The following PCDHGA9 variants were observed in gnomAD, a reference collection of about 807,000 sequenced individuals.
PCDHGA9 encodes protocadherin gamma subfamily A, 9.
PCDHGA9 carries 37 observed loss-of-function variants against 62.5 expected under a neutral mutation model. The ratio of observed to expected loss-of-function variants is 0.59; its 90% CI spans 0.46 to 0.78. PCDHGA9 has a LOEUF of 0.78. Ranked by LOEUF, PCDHGA9 falls within the 30% of genes least tolerant of loss-of-function variation. The pLI, the probability that PCDHGA9 is intolerant of heterozygous loss-of-function variation, is 0.00. For synonymous variants in PCDHGA9, 459 were observed against 484.6 expected, an observed-to-expected ratio of 0.95 and a Z score of 0.69; for missense variants, 1,138 against 1,166.2, an observed-to-expected ratio of 0.98 and a Z score of 0.35.
chr5:141,452,748 A>G (rs2098748275), intron 1 of PCDHGA9, among the ~76,000 whole-genome samples: 1 of 152,058 alleles, frequency 6.6e-6, no homozygotes, highest in Admixed American at 6.6e-5. Flanking sequence ...GAGAGAAGGA[A>G]GAAGGAAGGG....
At chr5:141,510,134 C>T (rs1273076437) in intron 3 of PCDHGA9, among the ~76,000 whole-genome samples, 1 of 152,064 alleles carries the variant, frequency 6.6e-6, no homozygotes, top group East Asian at 1.9e-4. Context: ...ATTAGCTGGG[C>T]TAGTGGTGTG....
chr5:141,480,102 T>C (rs568342271), intron 1 of PCDHGA9, among the ~76,000 whole-genome samples: 1 of 152,320 alleles, frequency 6.6e-6, no homozygotes, highest in South Asian at 2.1e-4. Flanking sequence ...GCAAAGTGTT[T>C]AGCATGGTGC....
In PCDHGA9 at chr5:141,493,548, G is replaced by A. The variant is rs1243278355; in HGVS notation, c.2425-1259G>A. 3.9e-5 allele frequency among the ~76,000 whole-genome samples: 6 copies of A among 152,196 alleles called. No homozygotes were observed. ...AAACTTGGCCAGTTATCCTTTTGGA[G>A]ATTGAGTTCCCCCAGCTCCGTTTCC... On this transcript the variant is annotated intron_variant, in intron 1 of 3. Coordinates refer to ENST00000573521, the MANE Select transcript of PCDHGA9 (RefSeq NM_018921.3). This position sits in a 1 kb window ranked among gnomAD's most constrained non-coding sequence, Gnocchi z 4.3.
At chr5:141,449,500 A>G (rs1034917703) in intron 1 of PCDHGA9, among the ~76,000 whole-genome samples, 6 of 151,300 alleles carry the variant, frequency 4.0e-5, no homozygotes, top group African/African-American at 1.5e-4. Flanking sequence ...GAGGCATGAG[A>G]AATGCTTGAA....
Position 141,403,740 on chromosome 5 carries a change from C to T in PCDHGA9, c.788C>T (p.Thr263Ile). The change falls in exon 1 of 4, where the codon ACT becomes ATT. Residue 263 changes from threonine to isoleucine, a missense_variant. Physicochemically the swap from Thr to Ile is moderately conservative, Grantham distance 89 (BLOSUM62 -1). Transcript: ENST00000573521. The part of the protein sequence containing the change: ...ENVPPGTWLL[T>I]ATASDLDEGI... The stretch of plus-strand genomic sequence containing the variant: ...GTGCCCCCAGGCACCTGGCTGCTTA[C>T]TGCAACAGCCAGCGACCTGGATGAG... The T allele has an allele frequency of 6.2e-7, 1 of 1,613,920 alleles. No homozygotes were observed. The highest frequency in any genetic ancestry group is 8.5e-7 in the Non-Finnish European group (1 of 1,179,890).
intron 2 of PCDHGA9, 164 bp downstream of exon 2, chr5:141,495,029 G>A: frequency 2.1e-6 from 2 of 968,864 alleles, no homozygotes; most frequent in Non-Finnish European, 2.5e-6. Flanking sequence ...ACAGACCCCG[G>A]AAGGAAGAGG....
Position 141,432,010 on chromosome 5 carries a change from CT to C in PCDHGA9, c.2424+26635del. The C allele has an allele frequency of 6.2e-7, 1 of 1,614,068 alleles. No individual in the cohort carries two copies. Among genetic ancestry groups the C allele is most frequent in the Non-Finnish European group, 8.5e-7 (1 of 1,180,022 alleles). ...TCTTGGATAGGGAACAGGTTCCTAG[CT>C]ACAACATCACAGTGACCGCCACTGA... On this transcript the variant is annotated intron_variant, in intron 1 of 3. Coordinates refer to ENST00000573521, the MANE Select transcript of PCDHGA9 (RefSeq NM_018921.3). This position sits in a 1 kb window ranked among gnomAD's most constrained non-coding sequence, Gnocchi z 6.0.
intron 1 of PCDHGA9, among the ~76,000 whole-genome samples, chr5:141,406,762 A>C (rs942707558): frequency 2.0e-5 from 3 of 152,238 alleles, no homozygotes; most frequent in Non-Finnish European, 4.4e-5. Context: ...CAAGGAATTA[A>C]AAATATTTCT....
chr5:141,481,475 C>T (rs1423011632), intron 1 of PCDHGA9, among the ~76,000 whole-genome samples: 1 of 152,200 alleles, frequency 6.6e-6, no homozygotes, highest in Non-Finnish European at 1.5e-5. Context: ...TTGGATTATA[C>T]ACTTTAAATA....
chr5:141,409,753 G>T, intron 1 of PCDHGA9: 1 of 1,613,006 alleles, frequency 6.2e-7, no homozygotes. Context: ...TGTTCGCGCA[G>T]CGCGCCTTTG....
intron 1 of PCDHGA9, chr5:141,414,350 C>G (rs1450829111): frequency 6.2e-7 from 1 of 1,613,726 alleles, no homozygotes; most frequent in East Asian, 2.2e-5. Context: ...TCCATTTTGG[C>G]GTATCTACCA....
In PCDHGA9 at chr5:141,432,510, C is replaced by A; in HGVS notation, c.2424+27134C>A. 1 of 1,614,140 alleles carries A rather than the reference C, an allele frequency of 6.2e-7. No homozygotes were observed. The highest frequency in any genetic ancestry group is 8.5e-7 in the Non-Finnish European group (1 of 1,180,042). On this transcript the variant is annotated intron_variant, in intron 1 of 3. Coordinates refer to ENST00000573521, the MANE Select transcript of PCDHGA9 (RefSeq NM_018921.3). The surrounding 1 kb of genome is among the most constrained non-coding windows in gnomAD (Gnocchi z 6.0). ...GAGCTGGCTCCCCGCTCCGCAGAGCCCGGCTACCTGGTGACCAAGGTGGTG... is the reference window on the plus strand; with the variant it reads ...GAGCTGGCTCCCCGCTCCGCAGAGCACGGCTACCTGGTGACCAAGGTGGTG...
At chr5:141,425,069 A>G (rs771114613) in intron 1 of PCDHGA9, among the ~76,000 whole-genome samples, 1 of 152,170 alleles carries the variant, frequency 6.6e-6, no homozygotes. Context: ...GACAAAAATA[A>G]TTTCAACTGT....
intron 1 of PCDHGA9, chr5:141,421,999 TC>T: frequency 9.9e-6 from 16 of 1,609,214 alleles, no homozygotes; most frequent in Non-Finnish European, 1.4e-5. Context: ...AAACATCAGC[TC>T]CGGAACTCGG....
At chr5:141,424,936 C>G (rs1160449329) in intron 1 of PCDHGA9, among the ~76,000 whole-genome samples, 1 of 152,182 alleles carries the variant, frequency 6.6e-6, no homozygotes, top group Non-Finnish European at 1.5e-5. Flanking sequence ...AGTCAACACT[C>G]TCACATCACT....
Position 141,425,635 on chromosome 5 carries a change from T to C in PCDHGA9, c.2424+20259T>C, listed in dbSNP as rs376675545. On this transcript the variant is annotated intron_variant, in intron 1 of 3. Coordinates refer to ENST00000573521, the MANE Select transcript of PCDHGA9 (RefSeq NM_018921.3). ...TCAGTGCTCCTCCAGTTTTCTCTGA[T>C]AAAACTAGGAGGAAAATTATCTGCA... Among the ~76,000 whole-genome samples, 51 of 152,354 alleles carry C rather than the reference T, an allele frequency of 3.3e-4. 1 individual carries two copies. The South Asian group carries it at 0.01, about 30-fold the overall frequency.
At chr5:141,408,226 GCGCCGGGCCGGCC>G (rs2095062452) in intron 1 of PCDHGA9, 1 of 1,562,288 alleles carries the variant, frequency 6.4e-7, no homozygotes, top group South Asian at 1.2e-5. Flanking sequence ...GCGCGCAGAG[GCGCCGGGCCGGCC>G]CGCGGCAGGT....
Position 141,511,285 on chromosome 5 carries a change from G to C in PCDHGA9, c.*112G>C. On this transcript the variant is annotated 3_prime_UTR_variant, in exon 4 of 4. Coordinates refer to ENST00000573521, the MANE Select transcript of PCDHGA9 (RefSeq NM_018921.3). Reference sequence around the variant, plus strand: ...GGGCTAACCCCCAGAATACTGGTAGGGGCCAAGGCCATGCTCCCCTTGGGA... The same window carrying C: ...GGGCTAACCCCCAGAATACTGGTAGCGGCCAAGGCCATGCTCCCCTTGGGA... 1 of 1,521,904 alleles carries C rather than the reference G, an allele frequency of 6.6e-7. No homozygotes were observed. The highest frequency in any genetic ancestry group is 8.8e-7 in the Non-Finnish European group (1 of 1,131,664). 94.3% of individuals were successfully genotyped at this position (1,521,904 alleles called of 1,614,324 possible).
rs528069305 is a variant in PCDHGA9, at chr5:141,457,143, T to A, written c.2425-37664T>A. Among the ~76,000 whole-genome samples the A allele has an allele frequency of 5.3e-5, 8 of 152,334 alleles. No homozygotes were observed. In the South Asian group the frequency reaches 1.5e-3, roughly 28 times the overall value. On this transcript the variant is annotated intron_variant, in intron 1 of 3. Transcript: ENST00000573521. ...ATGGAAACTCTGTCCAATATTTCAG[T>A]TAGAAGGTGCTACCATGGATAACCC...
Sources: gnomAD v4.1 joint callset for allele counts (sites outside exome capture counted in the v4.1 genomes callset) on GRCh38, gnomAD v4.1.1 for gene constraint, Gnocchi (gnomAD v3.1) non-coding constraint, MANE v1.5 for transcripts, NCBI Gene and HGNC (gene_info 2026-07-23, HGNC 2026-07-21) for gene names.